The following ZDHHC4 variants were observed in gnomAD, a reference collection of about 807,000 sequenced individuals.
ZDHHC4 encodes the protein zDHHC palmitoyltransferase 4.
A neutral mutation model predicts 36.7 loss-of-function variants in ZDHHC4; 42 were observed. The ratio of observed to expected loss-of-function variants is 1.14; its 90% CI spans 0.89 to 1.48. The LOEUF (loss-of-function observed/expected upper bound fraction) is 1.48. Ranked by LOEUF, ZDHHC4 falls within the 40% of genes most tolerant of loss-of-function variation. The pLI is 0.00. For synonymous variants in ZDHHC4, 189 were observed against 166.6 expected (o/e 1.13, Z -1.03); for missense variants, 457 against 421.5 (o/e 1.08, Z -0.74).
At chr7:6,577,586 G>T (rs951713423) in intron 1 of ZDHHC4, 88 bp downstream of exon 1, 1 of 152,360 alleles carries the variant, frequency 6.6e-6, no homozygotes, top group Non-Finnish European at 1.5e-5. Context: ...CCCCTTGTGT[G>T]TAGGGCCGCC....
intron 5 of ZDHHC4, chr7:6,582,459 C>T: frequency 3.6e-6 from 2 of 550,956 alleles, no homozygotes; most frequent in Non-Finnish European, 6.4e-6. Context: ...TTTAGTTTAT[C>T]TTTTTAATGC....
chr7:6,580,698 G>A lies in ZDHHC4; in HGVS notation c.117+20G>A. 1 of 1,606,218 alleles carries A rather than the reference G, an allele frequency of 6.2e-7. No individual in the cohort carries two copies. The highest frequency in any genetic ancestry group is 8.5e-7 in the Non-Finnish European group (1 of 1,172,956). On this transcript the variant is annotated intron_variant, in intron 3 of 7. Transcript: ENST00000335965. ...GCACAGGTAAGGATGATCCTTGGATGGCACTGGAATTTGAATACTGTGTTA... is the reference window on the plus strand; with the variant it reads ...GCACAGGTAAGGATGATCCTTGGATAGCACTGGAATTTGAATACTGTGTTA...
At chr7:6,581,513 C>T (rs1257271187) in intron 3 of ZDHHC4, 94 bp from the exon 4 acceptor site, 2 of 923,004 alleles carry the variant, frequency 2.2e-6, no homozygotes, top group Non-Finnish European at 3.5e-6. Flanking sequence ...CTTACTATCA[C>T]CCAGATTGCC....
intron 7 of ZDHHC4, 33 bp from the exon 8 acceptor site, chr7:6,588,584 C>T: frequency 6.2e-7 from 1 of 1,602,872 alleles, no homozygotes; most frequent in South Asian, 1.1e-5. Flanking sequence ...CACAGTCCAG[C>T]TGCCTAAAGC....
chr7:6,586,724 C>T (rs1269088546), intron 7 of ZDHHC4, among the ~76,000 whole-genome samples: 1 of 152,222 alleles, frequency 6.6e-6, no homozygotes, highest in Non-Finnish European at 1.5e-5. Context: ...GATCCACCCG[C>T]CTCGGCCTCC....
chr7:6,588,640 G>T lies in ZDHHC4; in HGVS notation c.765G>T (p.Arg255=), dbSNP rs545040011. ...LIQYLFLTFP[R]IVFMLGFVVV... is the part of the protein sequence containing the mutation. The stretch of plus-strand genomic sequence containing the variant: ...AGTACCTGTTCCTGACTTTTCCACG[G>T]ATTGTCTTCATGCTGGGCTTTGTCG... Residue 255 remains arginine (R), a synonymous_variant, in exon 8 of 8, where the codon CGG becomes CGT. Coordinates refer to ENST00000335965, the MANE Select transcript of ZDHHC4 (RefSeq NM_001134389.2). The T allele has an allele frequency of 1.2e-6, 2 of 1,614,114 alleles. No individual in the cohort carries two copies. Among genetic ancestry groups the T allele is most frequent in the South Asian group, 2.2e-5 (2 of 91,082 alleles).
chr7:6,585,196 A>G lies in ZDHHC4; in HGVS notation c.677A>G (p.Tyr226Cys). 1 of 1,614,166 alleles carries G rather than the reference A, an allele frequency of 6.2e-7. No homozygotes were observed. Among genetic ancestry groups the G allele is most frequent in the Non-Finnish European group, 8.5e-7 (1 of 1,180,038 alleles). Residue 226 changes from tyrosine (Y) to cysteine (C), a missense_variant, in exon 7 of 8, where the codon TAC becomes TGC. Tyr to Cys is a radical substitution (Grantham distance 194). Coordinates refer to ENST00000335965, the MANE Select transcript of ZDHHC4 (RefSeq NM_001134389.2). ...LVHLVVMSDL[Y>C]QETYIDDLGH... ...CACTTGGTGGTGATGTCAGATTTATACCAGGAGACTTACATCGATGACCTT... is the reference window on the plus strand; with the variant it reads ...CACTTGGTGGTGATGTCAGATTTATGCCAGGAGACTTACATCGATGACCTT...
intron 2 of ZDHHC4, among the ~76,000 whole-genome samples, chr7:6,580,010 C>A (rs767230171): frequency 1.3e-5 from 2 of 152,014 alleles, no homozygotes; most frequent in Non-Finnish European, 2.9e-5. Context: ...GGGTGCGTGC[C>A]TATAATCCCA....
chr7:6,580,973 A>G, intron 3 of ZDHHC4: 1 of 383,702 alleles, frequency 2.6e-6, no homozygotes, highest in Non-Finnish European at 4.8e-6. Flanking sequence ...CGTTGATGGC[A>G]GTTGTGGGAT....
rs551210494 is a variant in ZDHHC4, at chr7:6,583,161, C to T, written c.371-145C>T. Reference sequence around the variant, plus strand: ...TGCCACTGCATTCCAGCCTGGATGACAAAGTAAGACTGTCTCAAAAAAAAA... The same window carrying T: ...TGCCACTGCATTCCAGCCTGGATGATAAAGTAAGACTGTCTCAAAAAAAAA... On this transcript the variant is annotated intron_variant, in intron 5 of 7. Transcript: ENST00000335965. The T allele has an allele frequency of 2.6e-4, 239 of 906,334 alleles. 2 individuals carry two copies. In the South Asian group the frequency reaches 3.4e-3, roughly 13 times the overall value. 56.1% of individuals were successfully genotyped at this position (906,334 alleles called of 1,614,324 possible).
Position 6,582,252 on chromosome 7 carries a change from G to T in ZDHHC4, c.370+1G>T. The T allele has an allele frequency of 3.7e-6, 6 of 1,613,840 alleles. No individual in the cohort carries two copies. Among genetic ancestry groups the T allele is most frequent in the Non-Finnish European group, 5.1e-6 (6 of 1,179,850 alleles). ...ACCCTGACTTGTGGAACCAATCCTG[G>T]TAAGTTGAGGCTCTTAGCATACAGC... On this transcript the variant is annotated splice_donor_variant, in intron 5 of 7. Coordinates refer to ENST00000335965, the MANE Select transcript of ZDHHC4 (RefSeq NM_001134389.2). LOFTEE classifies it high-confidence loss of function.
At chr7:6,581,451 C>A (rs553778768) in intron 3 of ZDHHC4, among the ~76,000 whole-genome samples, 156 bp from the exon 4 acceptor site, 49 of 152,340 alleles carry the variant, frequency 3.2e-4, no homozygotes, top group African/African-American at 1.2e-3. Context: ...AGAAAGAATT[C>A]CCCTCTTTAT....
In ZDHHC4 at chr7:6,583,413, G is replaced by T. The variant is rs771657505; in HGVS notation, c.478G>T (p.Ala160Ser). Residue 160 changes from alanine (A) to serine (S), a missense_variant, in exon 6 of 8, where the codon GCT (alanine) becomes TCT (serine). Coordinates refer to ENST00000335965, the MANE Select transcript of ZDHHC4 (RefSeq NM_001134389.2). ...CTCTACTTGTGATTTAAGGAAACCAGCTCGATCCAAGCACTGCAGTGAGTG... is the reference window on the plus strand; with the variant it reads ...CTCTACTTGTGATTTAAGGAAACCATCTCGATCCAAGCACTGCAGTGAGTG... ...RCSTCDLRKPARSKHCSVCNW... is the reference protein window; with the variant it reads ...RCSTCDLRKPSRSKHCSVCNW... 11 of 1,613,276 alleles carry T rather than the reference G, an allele frequency of 6.8e-6. No homozygotes were observed. Among genetic ancestry groups the T allele is most frequent in the Non-Finnish European group, 9.3e-6 (11 of 1,179,414 alleles).
chr7:6,586,141 G>A (rs1045013696), intron 7 of ZDHHC4, among the ~76,000 whole-genome samples: 9 of 149,710 alleles, frequency 6.0e-5, no homozygotes, highest in Non-Finnish European at 1.0e-4. Flanking sequence ...CAACAAGAGC[G>A]AAAGAGAGAA....
At chr7:6,583,255 A>C (rs367756962) in intron 5 of ZDHHC4, 51 bp from the exon 6 acceptor site, 268 of 1,605,592 alleles carry the variant, frequency 1.7e-4, no homozygotes, top group Non-Finnish European at 2.2e-4. Context: ...TTTTGTGACT[A>C]TCCAGTCCAA....
At position 6,585,227 on chromosome 7, in the gene ZDHHC4, C is replaced by T. The variant is rs774689304; in HGVS notation, c.708C>T (p.His236=). Residue 236 remains histidine (H), a synonymous_variant, in exon 7 of 8, where the codon CAC becomes CAT. Coordinates refer to ENST00000335965, the MANE Select transcript of ZDHHC4 (RefSeq NM_001134389.2). ...AGACTTACATCGATGACCTTGGACA[C>T]CTCCATGTTATGGACACGGTCTTTC... ...YQETYIDDLG[H]LHVMDTVFLI... 4 of 1,614,070 alleles carry T rather than the reference C, an allele frequency of 2.5e-6. No homozygotes were observed. The highest frequency in any genetic ancestry group is 1.6e-4 in the Middle Eastern group (1 of 6,084).
In ZDHHC4 at chr7:6,577,488, A is replaced by G. The variant is rs992558058; in HGVS notation, c.-173A>G. On this transcript the variant is annotated 5_prime_UTR_variant, in exon 1 of 8. Transcript: ENST00000335965. ...TCGCGCCCGGGAGGCGCCGGAGCCC[A>G]GCGGCTGGCGGTAAGGCCGCCTCCG... is the stretch of plus-strand genomic sequence containing the variant. 6.6e-6 allele frequency: 1 copy of G among 152,146 alleles called. No homozygotes were observed. The highest frequency in any genetic ancestry group is 2.4e-5 in the African/African-American group (1 of 41,452). 9.4% of individuals were successfully genotyped at this position (152,146 alleles called of 1,614,324 possible). A position where few individuals can be genotyped will look rare whatever the true frequency, so the allele number is the denominator to read the frequency against.
chr7:6,578,530 G>A (rs575463982), intron 1 of ZDHHC4, 36 bp from the exon 2 acceptor site: 3 of 152,266 alleles, frequency 2.0e-5, no homozygotes, highest in East Asian at 1.9e-4. Flanking sequence ...AACTCTTGTC[G>A]TCTTATGTGG....
intron 4 of ZDHHC4, 67 bp from the exon 5 acceptor site, chr7:6,582,002 ACTTT>A (rs1414067555): frequency 6.7e-7 from 1 of 1,489,704 alleles, no homozygotes; most frequent in Non-Finnish European, 9.1e-7. Flanking sequence ...GCCGTTGGTT[ACTTT>A]CTTTAGTATC....
Sources: gnomAD v4.1 joint callset for allele counts (sites outside exome capture counted in the v4.1 genomes callset) on GRCh38, gnomAD v4.1.1 for gene constraint, MANE v1.5 for transcripts, NCBI Gene and HGNC (gene_info 2026-07-23, HGNC 2026-07-21) for gene names.